The following RNF2 variants were observed in gnomAD, a reference collection of about 807,000 sequenced individuals.
The protein encoded by RNF2 is E3 ubiquitin-protein ligase RING2.
A neutral mutation model predicts 37.2 loss-of-function variants in RNF2; 6 were observed. The ratio of observed to expected loss-of-function variants is 0.16; its 90% CI spans 0.09 to 0.32. The LOEUF is 0.32. RNF2 is among the 10% of genes least tolerant of loss of function. The pLI is 1.00. For missense variants in RNF2, 251 were observed against 404.0 expected, an observed-to-expected ratio of 0.62 and a Z score of 3.25; for synonymous variants, 133 against 132.7, an observed-to-expected ratio of 1.00 and a Z score of -0.02.
At chr1:185,074,718 A>AT (rs527423745) in intron 1 of RNF2, among the ~76,000 whole-genome samples, 5 of 152,036 alleles carry the variant, frequency 3.3e-5, no homozygotes, top group Non-Finnish European at 5.9e-5. Flanking sequence ...ACGTGTACAG[A>AT]TTTTTTTTCT....
intron 1 of RNF2, among the ~76,000 whole-genome samples, chr1:185,073,886 C>T (rs534353666): frequency 1.3e-5 from 2 of 152,318 alleles, no homozygotes; most frequent in African/African-American, 4.8e-5. Context: ...TCAGTGGTTA[C>T]GCTACTCAGA....
chr1:185,100,297 A>G lies in RNF2; in HGVS notation c.1007A>G (p.Lys336Arg). 1.2e-6 allele frequency: 2 copies of G among 1,602,378 alleles called. No homozygotes were observed. Among genetic ancestry groups the G allele is most frequent in the African/African-American group, 1.3e-5 (1 of 74,456 alleles). ...ELYYAPTKEH[K>R] ...TATTACGCACCTACAAAGGAGCACA[A>G]ATGAGCCTTTAAAAACCAATTCTGA... is the stretch of plus-strand genomic sequence containing the variant. Residue 336 changes from lysine (K) to arginine (R), a missense_variant, in exon 7 of 7, where the codon AAA becomes AGA. Physicochemically the swap from Lys to Arg is conservative, Grantham distance 26 (BLOSUM62 2). Transcript: ENST00000367510.
intron 1 of RNF2, among the ~76,000 whole-genome samples, chr1:185,050,827 T>C (rs1443780139): frequency 6.6e-6 from 1 of 152,262 alleles, no homozygotes; most frequent in Non-Finnish European, 1.5e-5. Context: ...GGCATTCCTT[T>C]TGATGGCTAA....
In RNF2 at chr1:185,098,208, G is replaced by C; in HGVS notation, c.601G>C (p.Asp201His). The C allele has an allele frequency of 6.2e-7, 1 of 1,614,206 alleles. No individual in the cohort carries two copies. The highest frequency in any genetic ancestry group is 8.5e-7 in the Non-Finnish European group (1 of 1,180,030). ...GPSNKRTKTSDDSGLELDNNN... is the reference protein window; with the variant it reads ...GPSNKRTKTSHDSGLELDNNN... ...TAGTAACAAACGGACCAAAACATCT[G>C]ATGATTCTGGGCTAGAGCTTGATAA... Residue 201 changes from aspartate to histidine, a missense_variant, in exon 5 of 7, where the codon GAT becomes CAT. Asp to His is a moderately conservative substitution (Grantham distance 81). This residue lies in a region of RNF2 where 94 missense variants were observed against 99.2 expected (regional missense o/e 0.95). Coordinates refer to ENST00000367510, the MANE Select transcript of RNF2 (RefSeq NM_007212.4).
In RNF2 at chr1:185,062,931, G is replaced by T. The variant is rs565127385; in HGVS notation, c.-3+17282G>T. Reference sequence around the variant, plus strand: ...CCCTCCCACTTATCAGATTGGGCAGGGTTTTTTAAAAAAATGTTGCTCTTC... The same window carrying T: ...CCCTCCCACTTATCAGATTGGGCAGTGTTTTTTAAAAAAATGTTGCTCTTC... On this transcript the variant is annotated intron_variant, in intron 1 of 6. Transcript: ENST00000367510. 2.0e-5 allele frequency among the ~76,000 whole-genome samples: 3 copies of T among 152,020 alleles called. No individual in the cohort carries two copies. In the South Asian group the frequency reaches 6.2e-4, roughly 32 times the overall value.
intron 1 of RNF2, among the ~76,000 whole-genome samples, chr1:185,084,068 A>G (rs1651508937): frequency 2.0e-5 from 3 of 152,000 alleles, no homozygotes; most frequent in Admixed American, 2.0e-4. Context: ...TAGCCTCCCA[A>G]GTACCTAAAA....
rs942637728 is a variant in RNF2, at chr1:185,101,357, G to A, written c.*1056G>A. Reference sequence around the variant, plus strand: ...TTTGGCGCTCTTTTAATTACACTCTGTAGAAGGTTAATAGAGCTTGAGCCC... The same window carrying A: ...TTTGGCGCTCTTTTAATTACACTCTATAGAAGGTTAATAGAGCTTGAGCCC... On this transcript the variant is annotated 3_prime_UTR_variant, in exon 7 of 7. Coordinates refer to ENST00000367510, the MANE Select transcript of RNF2 (RefSeq NM_007212.4). 2.6e-5 allele frequency: 4 copies of A among 152,504 alleles called. No individual in the cohort carries two copies. The highest frequency in any genetic ancestry group is 9.7e-5 in the African/African-American group (4 of 41,434). The allele number at this position is 152,504 out of a possible 1,614,324, so 9.4% of individuals were successfully genotyped here.
chr1:185,060,324 C>T (rs1650561811), intron 1 of RNF2, among the ~76,000 whole-genome samples: 1 of 152,168 alleles, frequency 6.6e-6, no homozygotes, highest in Non-Finnish European at 1.5e-5. Context: ...TGGGGCCAGT[C>T]ATGTGTGGTG....
At chr1:185,079,642 A>G (rs897203769) in intron 1 of RNF2, among the ~76,000 whole-genome samples, 3 of 152,164 alleles carry the variant, frequency 2.0e-5, no homozygotes, top group Admixed American at 6.5e-5. Flanking sequence ...ATAAAAGCCA[A>G]TTGTGGGCTG....
chr1:185,074,034 T>G (rs990509598), intron 1 of RNF2, among the ~76,000 whole-genome samples: 3 of 152,202 alleles, frequency 2.0e-5, no homozygotes, highest in African/African-American at 7.2e-5. Flanking sequence ...CCTTGTCAGG[T>G]TTGATAATTT....
chr1:185,067,708 C>CTTTTT (rs753063280), intron 1 of RNF2, among the ~76,000 whole-genome samples: 10 of 121,138 alleles, frequency 8.3e-5, no homozygotes, highest in African/African-American at 2.3e-4. Context: ...TAAAAGTATC[C>CTTTTT]TTTTTTTTTT....
intron 1 of RNF2, among the ~76,000 whole-genome samples, chr1:185,060,291 A>T (rs1004675995): frequency 1.3e-5 from 2 of 152,182 alleles, no homozygotes; most frequent in Non-Finnish European, 2.9e-5. Flanking sequence ...GATCTGTATC[A>T]TTAAGTCTAC....
chr1:185,092,410 C>T (rs907415338), intron 3 of RNF2, among the ~76,000 whole-genome samples: 1 of 150,934 alleles, frequency 6.6e-6, no homozygotes, highest in African/African-American at 2.4e-5. Flanking sequence ...CTCCTGACCT[C>T]GTGATCCACC....
Position 185,102,435 on chromosome 1 carries a change from T to C in RNF2, c.*2134T>C, listed in dbSNP as rs1390077066. 6.6e-6 allele frequency: 1 copy of C among 152,234 alleles called. No homozygotes were observed. Among genetic ancestry groups the C allele is most frequent in the Admixed American group, 6.5e-5 (1 of 15,288 alleles). 9.4% of individuals were successfully genotyped at this position (152,234 alleles called of 1,614,324 possible). A position where few individuals can be genotyped will look rare whatever the true frequency, so the allele number is the denominator to read the frequency against. On this transcript the variant is annotated 3_prime_UTR_variant, in exon 7 of 7. Transcript: ENST00000367510. ...TTCTAAATTTTTTTATGGTAACATA[T>C]ACATAGCCACATTTACAGTTTTAAC...
intron 1 of RNF2, among the ~76,000 whole-genome samples, chr1:185,050,724 T>C (rs1650246894): frequency 1.3e-5 from 2 of 152,174 alleles, no homozygotes; most frequent in African/African-American, 4.8e-5. Flanking sequence ...AAGGGTAAAA[T>C]AGTAAATTTA....
chr1:185,084,131 A>G (rs903937493), intron 1 of RNF2, among the ~76,000 whole-genome samples: 19 of 151,662 alleles, frequency 1.3e-4, no homozygotes, highest in African/African-American at 4.1e-4. Flanking sequence ...TTTTGAGGAG[A>G]TGGCTTCTTG....
chr1:185,053,209 T>TA (rs897559725), intron 1 of RNF2, among the ~76,000 whole-genome samples: 19 of 152,112 alleles, frequency 1.2e-4, no homozygotes, highest in African/African-American at 4.1e-4. Flanking sequence ...ATTATTCCCA[T>TA]AAAAAAATCC....
intron 1 of RNF2, among the ~76,000 whole-genome samples, chr1:185,049,414 G>T (rs1159002999): frequency 6.6e-6 from 1 of 152,154 alleles, no homozygotes; most frequent in Non-Finnish European, 1.5e-5. Flanking sequence ...CAGTGTAGTA[G>T]TTTAAATCAC....
chr1:185,049,950 C>T (rs1384756008), intron 1 of RNF2, among the ~76,000 whole-genome samples: 1 of 152,156 alleles, frequency 6.6e-6, no homozygotes, highest in Non-Finnish European at 1.5e-5. Context: ...CCAGTCTTCA[C>T]TTACTGCTGC....
Sources: gnomAD v4.1 joint callset for allele counts (sites outside exome capture counted in the v4.1 genomes callset) on GRCh38, gnomAD v4.1.1 for gene constraint, gnomAD v4.1.1 regional missense constraint, MANE v1.5 for transcripts, NCBI Gene and HGNC (gene_info 2026-07-23, HGNC 2026-07-21) for gene names.